Variants in LRRC4C observed in about 807,000 individuals in gnomAD.
The protein encoded by LRRC4C is leucine rich repeat containing 4C, also known as leucine-rich repeat-containing protein 4C.
LRRC4C carries 5 observed loss-of-function variants against 33.6 expected under a neutral mutation model. That is an observed-to-expected ratio of 0.15 (90% CI 0.08 to 0.31). LRRC4C has a LOEUF of 0.31. LRRC4C is among the 10% of genes least tolerant of loss of function. The pLI, the probability that LRRC4C is intolerant of heterozygous loss-of-function variation, is 1.00. For missense variants in LRRC4C, 560 were observed against 796.7 expected (o/e 0.70, Z 3.58); for synonymous variants, 329 against 302.0 (o/e 1.09, Z -0.93).
At chr11:40,334,120 T>C (rs1444249836) in intron 3 of LRRC4C, among the ~76,000 whole-genome samples, 1 of 152,166 alleles carries the variant, frequency 6.6e-6, no homozygotes, top group African/African-American at 2.4e-5. Flanking sequence ...TGTTTTTCCT[T>C]GCTGTGTTTT....
At chr11:40,155,501 A>T (rs996846430) in intron 5 of LRRC4C, among the ~76,000 whole-genome samples, 3 of 152,300 alleles carry the variant, frequency 2.0e-5, no homozygotes, top group Admixed American at 6.5e-5. Flanking sequence ...ATATAACCTC[A>T]CTAAGAAACA....
chr11:40,922,419 C>T (rs1306329469), intron 2 of LRRC4C, among the ~76,000 whole-genome samples: 2 of 152,128 alleles, frequency 1.3e-5, no homozygotes, highest in Non-Finnish European at 2.9e-5. Flanking sequence ...CATTTGAAGA[C>T]GTTTATTGTA....
At chr11:40,926,448 C>T (rs1166333002) in intron 2 of LRRC4C, among the ~76,000 whole-genome samples, 1 of 152,180 alleles carries the variant, frequency 6.6e-6, no homozygotes, top group Non-Finnish European at 1.5e-5. Context: ...GCATTGTCAT[C>T]TATCAGATTG....
intron 3 of LRRC4C, among the ~76,000 whole-genome samples, chr11:40,424,095 A>G (rs1041239993): frequency 1.3e-5 from 2 of 152,198 alleles, no homozygotes; most frequent in African/African-American, 4.8e-5. Context: ...GCAGGAAGGT[A>G]AATACATCAT....
chr11:41,113,804 C>T (rs753339994), intron 1 of LRRC4C, among the ~76,000 whole-genome samples: 17 of 151,796 alleles, frequency 1.1e-4, no homozygotes, highest in Non-Finnish European at 2.4e-4. Flanking sequence ...TTTAACATTT[C>T]TGCATACATC....
intron 3 of LRRC4C, among the ~76,000 whole-genome samples, chr11:40,453,898 A>T (rs1169316175): frequency 1.3e-5 from 2 of 152,196 alleles, no homozygotes; most frequent in African/African-American, 4.8e-5. Flanking sequence ...CCTATGAAAT[A>T]CGAAACCCAT....
At chr11:40,801,108 T>C (rs1240974971) in intron 2 of LRRC4C, among the ~76,000 whole-genome samples, 2 of 152,194 alleles carry the variant, frequency 1.3e-5, no homozygotes, top group Non-Finnish European at 2.9e-5. Flanking sequence ...ATAGTCACAA[T>C]GAATCACTCT....
chr11:40,906,309 G>A (rs1485571743), intron 2 of LRRC4C, among the ~76,000 whole-genome samples: 5 of 152,134 alleles, frequency 3.3e-5, no homozygotes, highest in African/African-American at 7.2e-5. Context: ...TCAGGAGTTC[G>A]AGACCAGCCT....
chr11:41,414,652 TG>T (rs1156348940), intron 1 of LRRC4C, among the ~76,000 whole-genome samples: 1 of 152,004 alleles, frequency 6.6e-6, no homozygotes, highest in Non-Finnish European at 1.5e-5. Context: ...GAATGGCCTC[TG>T]GAAAAACCAG....
chr11:40,132,819 C>T (rs948616767), intron 6 of LRRC4C, among the ~76,000 whole-genome samples: 2 of 151,768 alleles, frequency 1.3e-5, no homozygotes, highest in South Asian at 2.1e-4. Context: ...TTTAGCTTCT[C>T]GGGATGCACA....
intron 2 of LRRC4C, among the ~76,000 whole-genome samples, chr11:40,663,424 T>C (rs756870909): frequency 1.1e-4 from 17 of 152,196 alleles, no homozygotes; most frequent in Non-Finnish European, 2.2e-4. Flanking sequence ...TGGTAATTAA[T>C]TGTGGTTTGA....
intron 5 of LRRC4C, among the ~76,000 whole-genome samples, chr11:40,146,903 A>G (rs1172495089): frequency 6.6e-6 from 1 of 152,152 alleles, no homozygotes; most frequent in African/African-American, 2.4e-5. Flanking sequence ...AGCGCTTTCT[A>G]GGTTGCATTG....
chr11:40,386,093 A>G lies in LRRC4C; in HGVS notation c.-269-66372T>C, dbSNP rs183832657. ...GAAATATAATAAATTAAAAAACATT[A>G]AAAACTTTATAAAATGTAAAAGTGT... is the stretch of plus-strand genomic sequence containing the variant. On this transcript the variant is annotated intron_variant, in intron 3 of 6. Transcript: ENST00000528697. 1.2e-3 allele frequency among the ~76,000 whole-genome samples: 181 copies of G among 151,812 alleles called. 3 individuals are homozygous for G. The East Asian group carries it at 0.029, about 24-fold the overall frequency.
At chr11:40,268,387 A>G (rs551151584) in intron 4 of LRRC4C, among the ~76,000 whole-genome samples, 99 of 152,320 alleles carry the variant, frequency 6.5e-4, no homozygotes, top group African/African-American at 2.3e-3. Context: ...GATGCTTCCT[A>G]AATTGAAAAC....
At chr11:40,957,362 T>C (rs564978381) in intron 1 of LRRC4C, among the ~76,000 whole-genome samples, 1 of 151,816 alleles carries the variant, frequency 6.6e-6, no homozygotes, top group Non-Finnish European at 1.5e-5. Context: ...GAGAGGAAGA[T>C]GAGATCCAAC....
intron 2 of LRRC4C, among the ~76,000 whole-genome samples, chr11:40,650,192 G>T (rs1052950582): frequency 2.0e-5 from 3 of 152,110 alleles, no homozygotes; most frequent in South Asian, 2.1e-4. Context: ...TTTGTAGAAG[G>T]CTGTTGTTTT....
chr11:40,664,478 G>A (rs1296266328), intron 2 of LRRC4C, among the ~76,000 whole-genome samples: 1 of 151,778 alleles, frequency 6.6e-6, no homozygotes, highest in Admixed American at 6.6e-5. Context: ...CCGATGGGTG[G>A]AGGTTGCAGT....
chr11:40,619,530 A>G (rs1055096292), intron 3 of LRRC4C, among the ~76,000 whole-genome samples: 4 of 151,764 alleles, frequency 2.6e-5, no homozygotes, highest in African/African-American at 9.7e-5. Flanking sequence ...TAGCTTTTCC[A>G]TCCCTAGAAC....
At chr11:40,119,731 C>T (rs1855691492) in intron 6 of LRRC4C, among the ~76,000 whole-genome samples, 4 of 152,148 alleles carry the variant, frequency 2.6e-5, no homozygotes, top group South Asian at 4.1e-4. Context: ...CCTAGAGAGG[C>T]TACCCTTTCA....
Sources: gnomAD v4.1 joint callset for allele counts (sites outside exome capture counted in the v4.1 genomes callset) on GRCh38, gnomAD v4.1.1 for gene constraint, MANE v1.5 for transcripts, NCBI Gene and HGNC (gene_info 2026-07-23, HGNC 2026-07-21) for gene names.